ELOVL2: variants seen among roughly 807,000 people sequenced by gnomAD.
ELOVL2 encodes the protein very long chain fatty acid elongase 2.
In ELOVL2, 38 loss-of-function variants were observed where a neutral mutation model predicts 37.7. The ratio of observed to expected loss-of-function variants is 1.01; its 90% CI spans 0.78 to 1.32. The LOEUF (loss-of-function observed/expected upper bound fraction) is 1.32. Ranked by LOEUF, ELOVL2 falls within the 40% of genes most tolerant of loss-of-function variation. ELOVL2 has a pLI of 0.00. For missense variants in ELOVL2, 352 were observed against 363.6 expected (o/e 0.97, Z 0.26); for synonymous variants, 115 against 122.3 (o/e 0.94, Z 0.40).
rs1781992148 is a variant in ELOVL2, at chr6:10,983,941, A to C, written c.766-35T>G. 2.5e-6 allele frequency: 4 copies of C among 1,574,418 alleles called. No individual in the cohort carries two copies. The East Asian group carries it at 6.7e-5, about 26-fold the overall frequency. On this transcript the variant is annotated intron_variant, in intron 7 of 7. Transcript: ENST00000354666. Reference sequence around the variant, plus strand: ...GTGTATATTTTGAAGAGAAAAATAAAAAGGTTATTTAATAAGACCTTGTCT... The same window carrying C: ...GTGTATATTTTGAAGAGAAAAATAACAAGGTTATTTAATAAGACCTTGTCT...
rs1023023118 is a variant in ELOVL2, at chr6:11,008,291, A to G, written c.67+2455T>C. Among the ~76,000 whole-genome samples, 3 of 152,382 alleles carry G rather than the reference A, an allele frequency of 2.0e-5. No individual in the cohort carries two copies. In the East Asian group the frequency reaches 5.8e-4, roughly 29 times the overall value. ...AAATTCCATAAAATGACCAATGCAG[A>G]GTAAACAACTGTAATCCTTTCCTCA... On this transcript the variant is annotated intron_variant, in intron 2 of 7. Coordinates refer to ENST00000354666, the MANE Select transcript of ELOVL2 (RefSeq NM_017770.4).
At chr6:11,042,123 G>C (rs1561731621) in intron 1 of ELOVL2, among the ~76,000 whole-genome samples, 1 of 152,020 alleles carries the variant, frequency 6.6e-6, no homozygotes, top group Admixed American at 6.6e-5. Flanking sequence ...GACCAAACTG[G>C]ACAACATGGT....
At chr6:11,008,844 A>T (rs1021187358) in intron 2 of ELOVL2, among the ~76,000 whole-genome samples, 2 of 152,214 alleles carry the variant, frequency 1.3e-5, no homozygotes, top group South Asian at 4.1e-4. Flanking sequence ...CATTTAGAAC[A>T]GTTAATAGAG....
Position 11,005,556 on chromosome 6 carries a change from G to T in ELOVL2, c.71C>A (p.Ser24Tyr), listed in dbSNP as rs1455379531. 1 of 1,611,882 alleles carries T rather than the reference G, an allele frequency of 6.2e-7. No homozygotes were observed. The highest frequency in any genetic ancestry group is 2.2e-5 in the East Asian group (1 of 44,798). The change falls in exon 3 of 8, where the codon TCT (serine) becomes TAT (tyrosine). Residue 24 changes from serine (S) to tyrosine (Y), a missense_variant. Transcript: ENST00000354666. ...FLDNMFGPRD[S>Y]RVRGWFMLDS... ...CAACATGAACCACCCTCTGACTCGAGAATCTGAAAAGAAACACATACAGTG... is the reference window on the plus strand; with the variant it reads ...CAACATGAACCACCCTCTGACTCGATAATCTGAAAAGAAACACATACAGTG...
At position 11,044,250 on chromosome 6, in the gene ELOVL2, G is replaced by A; in HGVS notation, c.-20C>T. ...CACCATGATCCGCAGCGGCTGTGGC[G>A]CGGCGACCCGGGCGGGCGGCGATGC... On this transcript the variant is annotated 5_prime_UTR_variant, in exon 1 of 8. Transcript: ENST00000354666. The surrounding 1 kb of genome is among the most constrained non-coding windows in gnomAD (Gnocchi z 5.6). 7.5e-7 allele frequency: 1 copy of A among 1,340,760 alleles called. No homozygotes were observed. The highest frequency in any genetic ancestry group is 9.5e-7 in the Non-Finnish European group (1 of 1,047,922). The allele number at this position is 1,340,760 out of a possible 1,614,324, so 83.1% of individuals were successfully genotyped here.
chr6:10,986,158 T>C (rs919593477), intron 7 of ELOVL2, among the ~76,000 whole-genome samples: 1 of 152,196 alleles, frequency 6.6e-6, no homozygotes, highest in Non-Finnish European at 1.5e-5. Flanking sequence ...TTGTCTGTTA[T>C]TGGTGTATAA....
At chr6:11,026,852 A>G (rs536846981) in intron 1 of ELOVL2, among the ~76,000 whole-genome samples, 1 of 148,778 alleles carries the variant, frequency 6.7e-6, no homozygotes, top group East Asian at 1.9e-4. Flanking sequence ...AACTATCCTT[A>G]CATAGAGATT....
At chr6:11,013,290 TC>T (rs1439122979) in intron 1 of ELOVL2, among the ~76,000 whole-genome samples, 1 of 152,156 alleles carries the variant, frequency 6.6e-6, no homozygotes, top group African/African-American at 2.4e-5. Flanking sequence ...TGAGGTGATG[TC>T]AGGGGAACAA....
intron 7 of ELOVL2, among the ~76,000 whole-genome samples, chr6:10,985,321 C>T (rs1369712673): frequency 6.6e-6 from 1 of 151,890 alleles, no homozygotes; most frequent in East Asian, 1.9e-4. Context: ...TGCCTGTTCA[C>T]TCTGATGGTC....
chr6:10,990,685 A>G (rs1467917764), intron 5 of ELOVL2, among the ~76,000 whole-genome samples: 1 of 147,588 alleles, frequency 6.8e-6, no homozygotes, highest in East Asian at 1.9e-4. Flanking sequence ...CCCGCCACAC[A>G]GGGGAACACC....
chr6:10,990,487 T>C (rs1453975519), intron 5 of ELOVL2, 45 bp from the exon 6 acceptor site: 1 of 1,521,430 alleles, frequency 6.6e-7, no homozygotes, highest in Non-Finnish European at 8.8e-7. Context: ...CAGGAAGGAC[T>C]GTTCATTCTT....
At chr6:11,015,152 A>G (rs1782649897) in intron 1 of ELOVL2, among the ~76,000 whole-genome samples, 1 of 152,226 alleles carries the variant, frequency 6.6e-6, no homozygotes, top group South Asian at 2.1e-4. Context: ...ATTCTAGAAA[A>G]TATAACTTAT....
intron 1 of ELOVL2, among the ~76,000 whole-genome samples, chr6:11,026,212 T>C (rs1048681156): frequency 6.6e-6 from 1 of 152,238 alleles, no homozygotes; most frequent in Non-Finnish European, 1.5e-5. Context: ...TAAAGTATCC[T>C]GCTCTGATTC....
chr6:11,037,023 G>GGA (rs563724052), intron 1 of ELOVL2, among the ~76,000 whole-genome samples: 101 of 145,114 alleles, frequency 7.0e-4, no homozygotes, highest in African/African-American at 2.4e-3. Context: ...AGACAGAGAG[G>GGA]GAGAGAGAGA....
rs773344524 is a variant in ELOVL2 at position 10,995,007 on chromosome 6, T to G, written c.505A>C (p.Ser169Arg). ...CGGAAAAATTAACAAAATAACTTAC[T>G]TTGTCCACAAGGTATCCAGTTCAAG... The part of the protein sequence containing the change: ...CVLNWIPCGQ[S>R]FFGPTLNSFI... Residue 169 changes from serine (S) to arginine (R), a missense_variant and splice_region_variant, in exon 5 of 8, where the codon AGT becomes CGT. Coordinates refer to ENST00000354666, the MANE Select transcript of ELOVL2 (RefSeq NM_017770.4). The G allele has an allele frequency of 6.3e-7, 1 of 1,583,710 alleles. No individual in the cohort carries two copies. The highest frequency in any genetic ancestry group is 1.2e-5 in the South Asian group (1 of 85,868).
At chr6:11,034,308 AT>A (rs1034198518) in intron 1 of ELOVL2, among the ~76,000 whole-genome samples, 1 of 152,190 alleles carries the variant, frequency 6.6e-6, no homozygotes, top group Non-Finnish European at 1.5e-5. Flanking sequence ...TTAGCCTCAA[AT>A]TCAAGACTCT....
intron 1 of ELOVL2, among the ~76,000 whole-genome samples, chr6:11,020,056 C>T (rs1206945851): frequency 1.3e-5 from 2 of 152,106 alleles, no homozygotes; most frequent in Non-Finnish European, 2.9e-5. Context: ...TATCATTTTA[C>T]TTTTTAACAA....
rs140752219 is a variant in ELOVL2, at chr6:11,032,840, C to T, written c.3+11388G>A. ...AGTAACTAATAACATGCAATTGAGA[C>T]GACGCCCTGAAAGTGTTCTATAAAT... On this transcript the variant is annotated intron_variant, in intron 1 of 7. Transcript: ENST00000354666. Among the ~76,000 whole-genome samples the T allele has an allele frequency of 2.8e-3, 432 of 152,256 alleles. 1 individual carries two copies. Among genetic ancestry groups the T allele is most frequent in the Non-Finnish European group, 4.6e-3 (311 of 68,010 alleles).
chr6:10,999,464 C>T (rs975889356), intron 4 of ELOVL2, among the ~76,000 whole-genome samples: 5 of 151,940 alleles, frequency 3.3e-5, no homozygotes, highest in Admixed American at 1.3e-4. Context: ...CAACCTCCGC[C>T]TCCCGGGTTC....
Sources: gnomAD v4.1 joint callset for allele counts (sites outside exome capture counted in the v4.1 genomes callset) on GRCh38, gnomAD v4.1.1 for gene constraint, Gnocchi (gnomAD v3.1) non-coding constraint, MANE v1.5 for transcripts, NCBI Gene and HGNC (gene_info 2026-07-23, HGNC 2026-07-21) for gene names.